DTNB: variants seen among roughly 807,000 people sequenced by gnomAD.
DTNB encodes dystrobrevin beta, also known as DTN-B.
Under a neutral mutation model 90.7 loss-of-function variants are expected in DTNB, and 63 were observed. The observed-to-expected ratio is 0.69, with a 90% CI of 0.57 to 0.86. The LOEUF (loss-of-function observed/expected upper bound fraction) is 0.86. DTNB is among the 40% of genes least tolerant of loss of function. The pLI, the probability that DTNB is intolerant of heterozygous loss-of-function variation, is 0.00. For synonymous variants in DTNB, 277 were observed against 286.7 expected (o/e 0.97, Z 0.34); for missense variants, 744 against 807.1 (o/e 0.92, Z 0.95).
intron 16 of DTNB, among the ~76,000 whole-genome samples, chr2:25,399,131 C>A (rs2043073638): frequency 6.6e-6 from 1 of 152,170 alleles, no homozygotes; most frequent in African/African-American, 2.4e-5. Context: ...TCACTGCAAC[C>A]TCTGCCTCCT....
chr2:25,499,661 C>T (rs2069981300), intron 9 of DTNB, among the ~76,000 whole-genome samples: 1 of 152,164 alleles, frequency 6.6e-6, no homozygotes, highest in Admixed American at 6.5e-5. Flanking sequence ...TTAAATAATA[C>T]TTATCATAAT....
intron 9 of DTNB, among the ~76,000 whole-genome samples, chr2:25,526,676 G>A (rs953819284): frequency 1.4e-4 from 21 of 152,008 alleles, no homozygotes; most frequent in African/African-American, 4.8e-4. Flanking sequence ...GATTACAGGT[G>A]TAAGCCACCA....
chr2:25,455,531 C>T (rs770017977), intron 10 of DTNB, 37 bp from the exon 11 acceptor site: 8 of 1,529,662 alleles, frequency 5.2e-6, no homozygotes, highest in African/African-American at 2.7e-5. Flanking sequence ...AAGCGTGACA[C>T]AAACACATAC....
intron 12 of DTNB, among the ~76,000 whole-genome samples, chr2:25,438,179 C>A (rs147487256): frequency 6.6e-6 from 1 of 152,118 alleles, no homozygotes; most frequent in South Asian, 2.1e-4. Context: ...GAGCGAGGCA[C>A]GGGGAGATGA....
At position 25,482,812 on chromosome 2, in the gene DTNB, G is replaced by A; in HGVS notation, c.1063C>T (p.Pro355Ser). 6.2e-7 allele frequency: 1 copy of A among 1,613,474 alleles called. No individual in the cohort carries two copies. Among genetic ancestry groups the A allele is most frequent in the Non-Finnish European group, 8.5e-7 (1 of 1,179,748 alleles). ...TMVSHMSSGV[P>S]TPTKRLQYSQ... ...CATACGTACCTCTTGGTGGGAGTGG[G>A]CACTCCAGAGGACATGTGGCTAACC... Residue 355 changes from proline to serine, a missense_variant, in exon 10 of 21, where the codon CCC becomes TCC. By Grantham distance (74) the Pro-to-Ser change is moderately conservative. Coordinates refer to ENST00000406818, the MANE Select transcript of DTNB (RefSeq NM_021907.5).
rs186346049 is a variant in DTNB, at chr2:25,546,264, T to G, written c.877-14667A>C. 4.8e-3 allele frequency among the ~76,000 whole-genome samples: 724 copies of G among 152,356 alleles called. 4 individuals are homozygous for G. Among genetic ancestry groups the G allele is most frequent in the Non-Finnish European group, 6.5e-3 (441 of 68,030 alleles). On this transcript the variant is annotated intron_variant, in intron 8 of 20. Coordinates refer to ENST00000406818, the MANE Select transcript of DTNB (RefSeq NM_021907.5). ...TTCCCTATAATAGACAACCCTCTCT[T>G]GGTTCTCTCACAAGGTTTTGTGCCA...
chr2:25,671,741 T>C (rs950005809), intron 1 of DTNB, among the ~76,000 whole-genome samples: 29 of 152,336 alleles, frequency 1.9e-4, no homozygotes, highest in African/African-American at 7.0e-4. Flanking sequence ...ATTCCACTTA[T>C]GCATGATAAA....
chr2:25,459,169 G>A (rs1457017142), intron 10 of DTNB, among the ~76,000 whole-genome samples: 2 of 151,866 alleles, frequency 1.3e-5, no homozygotes, highest in Non-Finnish European at 2.9e-5. Flanking sequence ...AGTATTTGTA[G>A]GTTTATAGTT....
chr2:25,403,065 CCTTT>C (rs2044156750), intron 16 of DTNB, among the ~76,000 whole-genome samples: 1 of 152,200 alleles, frequency 6.6e-6, no homozygotes, highest in Non-Finnish European at 1.5e-5. Context: ...AGAATTACCT[CCTTT>C]CTGTTTGTTT....
chr2:25,414,360 C>T (rs1198926755), intron 16 of DTNB, among the ~76,000 whole-genome samples: 1 of 152,156 alleles, frequency 6.6e-6, no homozygotes, highest in Non-Finnish European at 1.5e-5. Context: ...GGGTTCACGC[C>T]ATTCTCCTGC....
At chr2:25,643,687 C>A (rs575138572) in intron 2 of DTNB, among the ~76,000 whole-genome samples, 1 of 152,142 alleles carries the variant, frequency 6.6e-6, no homozygotes, top group African/African-American at 2.4e-5. Context: ...TCAAGTAGGG[C>A]AGAGGACTCC....
At chr2:25,654,918 C>A (rs1188960273) in intron 1 of DTNB, among the ~76,000 whole-genome samples, 1 of 152,218 alleles carries the variant, frequency 6.6e-6, no homozygotes, top group Non-Finnish European at 1.5e-5. Context: ...GTTCCCAGCA[C>A]ACAGTCAGTG....
chr2:25,466,122 C>T (rs986990107), intron 10 of DTNB, among the ~76,000 whole-genome samples: 2 of 152,140 alleles, frequency 1.3e-5, no homozygotes, highest in Non-Finnish European at 2.9e-5. Flanking sequence ...CACCTGAGGT[C>T]AGGAGTTCGA....
At position 25,542,184 on chromosome 2, in the gene DTNB, G is replaced by T. The variant is rs145749580; in HGVS notation, c.877-10587C>A. On this transcript the variant is annotated intron_variant, in intron 8 of 20. Transcript: ENST00000406818. ...GGCTGGAGTGCAGTGGCGCGATCTT[G>T]GCTCGCTGCAACCTCCACCTCCTGG... is the stretch of plus-strand genomic sequence containing the variant. Among the ~76,000 whole-genome samples, 311 of 152,152 alleles carry T rather than the reference G, an allele frequency of 2.0e-3. 2 individuals carry two copies. The highest frequency in any genetic ancestry group is 7.2e-3 in the African/African-American group (300 of 41,524).
intron 3 of DTNB, among the ~76,000 whole-genome samples, chr2:25,628,993 G>T (rs2075087184): frequency 6.6e-6 from 1 of 152,124 alleles, no homozygotes; most frequent in Non-Finnish European, 1.5e-5. Context: ...AGGCGCGGTA[G>T]CTGGGTCTAC....
rs79615821 is a variant in DTNB, at chr2:25,391,210, T to G, written c.1576-2849A>C. Among the ~76,000 whole-genome samples the G allele has an allele frequency of 3.2e-3, 494 of 152,260 alleles. 2 individuals are homozygous for G. Among genetic ancestry groups the G allele is most frequent in the Non-Finnish European group, 5.8e-3 (397 of 68,024 alleles). On this transcript the variant is annotated intron_variant, in intron 16 of 20. Transcript: ENST00000406818. Reference sequence around the variant, plus strand: ...CGCGCCTGGCCTAGGCAATGACTTTTTAGATATGACATCAAAAGCCCAAGC... The same window carrying G: ...CGCGCCTGGCCTAGGCAATGACTTTGTAGATATGACATCAAAAGCCCAAGC...
Position 25,419,333 on chromosome 2 carries a change from G to T in DTNB, c.1575+182C>A, listed in dbSNP as rs1028617064. On this transcript the variant is annotated intron_variant, in intron 16 of 20. Coordinates refer to ENST00000406818, the MANE Select transcript of DTNB (RefSeq NM_021907.5). The stretch of plus-strand genomic sequence containing the variant: ...TTTTAAGTAAGAACATGCTCTACTG[G>T]GTAAACATGCCTTGAACTTTTAGGC... 10 of 859,976 alleles carry T rather than the reference G, an allele frequency of 1.2e-5. No homozygotes were observed. The African/African-American group carries it at 1.7e-4, about 14-fold the overall frequency. 53.3% of individuals were successfully genotyped at this position (859,976 alleles called of 1,614,324 possible). A position where few individuals can be genotyped will look rare whatever the true frequency, so the allele number is the denominator to read the frequency against.
In DTNB at chr2:25,520,073, A is replaced by G. The variant is rs373585317; in HGVS notation, c.1001+11400T>C. Among the ~76,000 whole-genome samples, 67 of 148,486 alleles carry G rather than the reference A, an allele frequency of 4.5e-4. No homozygotes were observed. The East Asian group carries it at 6.6e-3, about 15-fold the overall frequency. On this transcript the variant is annotated intron_variant, in intron 9 of 20. Coordinates refer to ENST00000406818, the MANE Select transcript of DTNB (RefSeq NM_021907.5). ...AAAACCAATTAATAACTCTCTTCAG[A>G]AAAAAAAAATTGGCTTATTAAAGTT...
intron 2 of DTNB, among the ~76,000 whole-genome samples, chr2:25,639,890 A>G (rs922635285): frequency 1.3e-5 from 2 of 152,236 alleles, no homozygotes; most frequent in African/African-American, 2.4e-5. Flanking sequence ...GAGAGGCCAC[A>G]GTGAGAAGAT....
Sources: gnomAD v4.1 joint callset for allele counts (sites outside exome capture counted in the v4.1 genomes callset) on GRCh38, gnomAD v4.1.1 for gene constraint, MANE v1.5 for transcripts, NCBI Gene and HGNC (gene_info 2026-07-23, HGNC 2026-07-21) for gene names.